The following ZNF385D variants were observed in gnomAD, a reference collection of about 807,000 sequenced individuals.
The protein encoded by ZNF385D is zinc finger protein 385D, also known as zinc finger protein 659.
In ZNF385D, 15 loss-of-function variants were observed where a neutral mutation model predicts 35.8. That is an observed-to-expected ratio of 0.42 (90% CI 0.28 to 0.64). The LOEUF (loss-of-function observed/expected upper bound fraction) is 0.64, where lower values mean the gene tolerates loss of function less well. Ranked by LOEUF, ZNF385D falls within the 30% of genes least tolerant of loss-of-function variation. The pLI is 0.23. For missense variants in ZNF385D, 474 were observed against 494.6 expected (o/e 0.96, Z 0.39); for synonymous variants, 212 against 186.8 (o/e 1.13, Z -1.10).
chr3:22,030,295 A>ATGTATG (rs1316503980), intron 3 of ZNF385D, among the ~76,000 whole-genome samples: 7 of 110,756 alleles, frequency 6.3e-5, no homozygotes, highest in East Asian at 4.8e-4. Flanking sequence ...ATATATATAT[A>ATGTATG]TATATATCCT....
intron 2 of ZNF385D, among the ~76,000 whole-genome samples, chr3:22,250,583 CAG>C (rs1161164115): frequency 2.0e-5 from 3 of 151,982 alleles, no homozygotes; most frequent in Non-Finnish European, 4.4e-5. Flanking sequence ...TTTGGGGACT[CAG>C]GGGAAAATGA....
At chr3:21,438,460 T>C (rs541719911) in intron 4 of ZNF385D, among the ~76,000 whole-genome samples, 1 of 150,846 alleles carries the variant, frequency 6.6e-6, no homozygotes, top group African/African-American at 2.5e-5. Context: ...AGTTCATTAC[T>C]ACCAAGAGTT....
At chr3:22,038,421 G>C (rs1698466775) in intron 3 of ZNF385D, among the ~76,000 whole-genome samples, 1 of 152,110 alleles carries the variant, frequency 6.6e-6, no homozygotes, top group Admixed American at 6.6e-5. Context: ...TACTTCAGTA[G>C]CACCTGTTTC....
chr3:22,365,653 CAAG>C (rs1258402664), intron 2 of ZNF385D, among the ~76,000 whole-genome samples: 1 of 152,050 alleles, frequency 6.6e-6, no homozygotes, highest in Non-Finnish European at 1.5e-5. Flanking sequence ...TTCAAAGGTA[CAAG>C]AAAACAAGAA....
chr3:22,066,511 G>A (rs1015768195), intron 3 of ZNF385D, among the ~76,000 whole-genome samples: 1 of 105,208 alleles, frequency 9.5e-6, no homozygotes, highest in African/African-American at 3.7e-5. Flanking sequence ...TAAGTAAAAA[G>A]ATACTGGGTG....
intron 3 of ZNF385D, among the ~76,000 whole-genome samples, chr3:21,527,552 T>C (rs1708298946): frequency 6.6e-6 from 1 of 152,196 alleles, no homozygotes; most frequent in Non-Finnish European, 1.5e-5. Flanking sequence ...AATAAATCGT[T>C]AAAGACTACA....
intron 2 of ZNF385D, among the ~76,000 whole-genome samples, chr3:22,203,991 T>C (rs1696978782): frequency 6.6e-6 from 1 of 152,002 alleles, no homozygotes; most frequent in East Asian, 1.9e-4. Context: ...TGAGCAAACA[T>C]AGGTGGTAGT....
intron 2 of ZNF385D, among the ~76,000 whole-genome samples, chr3:22,365,069 T>C (rs1359961394): frequency 8.6e-5 from 13 of 151,928 alleles, no homozygotes; most frequent in Admixed American, 8.5e-4. Flanking sequence ...GAAAATAGCA[T>C]GGTGGTTGCC....
chr3:21,878,477 A>G (rs1431446693), intron 3 of ZNF385D, among the ~76,000 whole-genome samples: 4 of 152,044 alleles, frequency 2.6e-5, no homozygotes, highest in Admixed American at 6.6e-5. Flanking sequence ...TTTACAGAAA[A>G]GTGTATCATA....
rs369461748 is a variant in ZNF385D, at chr3:21,548,081, G to T, written c.276+16493C>A. ...TGGGATTAGAAGGGTGGTGGGAAGCGCTCTAACAGGGGACTCTGGCCTTGC... is the reference window on the plus strand; with the variant it reads ...TGGGATTAGAAGGGTGGTGGGAAGCTCTCTAACAGGGGACTCTGGCCTTGC... On this transcript the variant is annotated intron_variant, in intron 3 of 7. Coordinates refer to ENST00000281523, the MANE Select transcript of ZNF385D (RefSeq NM_024697.3). 3.9e-4 allele frequency among the ~76,000 whole-genome samples: 60 copies of T among 152,202 alleles called. 1 individual carries two copies. In the South Asian group the frequency reaches 0.012, roughly 30 times the overall value.
chr3:22,307,793 A>C (rs1575086697), intron 2 of ZNF385D, among the ~76,000 whole-genome samples: 1 of 152,066 alleles, frequency 6.6e-6, no homozygotes, highest in East Asian at 1.9e-4. Context: ...TTAAATACAG[A>C]AAATGTAAGG....
chr3:22,214,491 A>G (rs939927616), intron 2 of ZNF385D, among the ~76,000 whole-genome samples: 10 of 152,264 alleles, frequency 6.6e-5, no homozygotes, highest in African/African-American at 2.4e-4. Context: ...CAGGCGGAAC[A>G]GAGCCATATT....
intron 3 of ZNF385D, among the ~76,000 whole-genome samples, chr3:22,066,749 T>G (rs1456248561): frequency 6.6e-6 from 1 of 152,180 alleles, no homozygotes; most frequent in African/African-American, 2.4e-5. Flanking sequence ...ATATTCACAT[T>G]TACTGGATGT....
intron 3 of ZNF385D, among the ~76,000 whole-genome samples, chr3:22,022,118 C>T (rs1697257322): frequency 6.6e-6 from 1 of 152,028 alleles, no homozygotes; most frequent in Non-Finnish European, 1.5e-5. Flanking sequence ...AACTTAATTT[C>T]TCTGTATTTC....
chr3:22,152,385 T>G (rs1705295008), intron 3 of ZNF385D, among the ~76,000 whole-genome samples: 1 of 152,132 alleles, frequency 6.6e-6, no homozygotes, highest in African/African-American at 2.4e-5. Flanking sequence ...TAGAGCAAAT[T>G]ACTACAAATT....
At chr3:22,187,694 G>A (rs1233936365) in intron 2 of ZNF385D, among the ~76,000 whole-genome samples, 9 of 151,994 alleles carry the variant, frequency 5.9e-5, no homozygotes, top group Non-Finnish European at 1.2e-4. Flanking sequence ...ATTAAAATTA[G>A]GAAATATTAT....
chr3:21,760,044 A>T (rs1310196793), intron 3 of ZNF385D, among the ~76,000 whole-genome samples: 3 of 152,236 alleles, frequency 2.0e-5, no homozygotes, highest in Non-Finnish European at 4.4e-5. Context: ...TGTCTGAAAT[A>T]CATAAAGGAA....
chr3:22,301,916 A>G (rs946496952), intron 2 of ZNF385D, among the ~76,000 whole-genome samples: 1 of 151,916 alleles, frequency 6.6e-6, no homozygotes, highest in Non-Finnish European at 1.5e-5. Context: ...GTGGTTTGAA[A>G]TTTTCTATAC....
chr3:21,466,122 C>T (rs1559317666), intron 4 of ZNF385D, among the ~76,000 whole-genome samples: 2 of 152,156 alleles, frequency 1.3e-5, no homozygotes, highest in East Asian at 1.9e-4. Context: ...AATGTCTTCA[C>T]ATCTTCCATT....
Sources: allele counts gnomAD v4.1 joint callset (sites outside exome capture counted in the v4.1 genomes callset), GRCh38; gene constraint gnomAD v4.1.1; transcripts MANE v1.5; gene names NCBI Gene and HGNC (gene_info 2026-07-23, HGNC 2026-07-21).